PDZRN4: variants seen among roughly 807,000 people sequenced by gnomAD.
PDZRN4 encodes the protein PDZ domain-containing RING finger protein 4.
A neutral mutation model predicts 99.0 loss-of-function variants in PDZRN4; 70 were observed. The observed-to-expected ratio is 0.71, with a 90% CI of 0.58 to 0.86. The LOEUF (loss-of-function observed/expected upper bound fraction) is 0.86. Among genes scored for constraint, PDZRN4 ranks in the 40% least tolerant of loss-of-function variants. The pLI, the probability that PDZRN4 is intolerant of heterozygous loss-of-function variation, is 0.00. For missense variants in PDZRN4, 1,474 were observed against 1,331.2 expected (o/e 1.11, Z -1.67); for synonymous variants, 551 against 501.6 (o/e 1.10, Z -1.32).
At chr12:41,284,899 A>C (rs1951412327) in intron 3 of PDZRN4, among the ~76,000 whole-genome samples, 1 of 152,210 alleles carries the variant, frequency 6.6e-6, no homozygotes, top group Admixed American at 6.5e-5. Flanking sequence ...TAAAACCTTA[A>C]AAACCCTAGA....
chr12:41,357,591 G>T (rs1378687013), intron 3 of PDZRN4, among the ~76,000 whole-genome samples: 2 of 151,906 alleles, frequency 1.3e-5, no homozygotes, highest in Non-Finnish European at 2.9e-5. Context: ...CTTATAAGTT[G>T]ATCTTACATC....
chr12:41,278,165 G>C (rs74530544), intron 3 of PDZRN4, among the ~76,000 whole-genome samples: 2,347 of 152,240 alleles, frequency 0.015, 23 homozygotes, highest in Middle Eastern at 0.034. Context: ...TTATATGCGT[G>C]ACTCATAAGA....
chr12:41,552,556 A>T, intron 5 of PDZRN4, 100 bp from the exon 6 acceptor site: 1 of 811,010 alleles, frequency 1.2e-6, no homozygotes, highest in Non-Finnish European at 2.0e-6. Flanking sequence ...AATAATTATT[A>T]ATACTTGCCA....
chr12:41,454,543 A>G (rs972760587), intron 3 of PDZRN4, among the ~76,000 whole-genome samples: 3 of 152,200 alleles, frequency 2.0e-5, no homozygotes, highest in Admixed American at 6.5e-5. Flanking sequence ...ATACCCAGGG[A>G]TCTTTGGGGT....
chr12:41,197,742 C>G (rs1237167973), intron 3 of PDZRN4, among the ~76,000 whole-genome samples: 1 of 151,998 alleles, frequency 6.6e-6, no homozygotes, highest in African/African-American at 2.4e-5. Context: ...CTGATCCTAT[C>G]GAAGGTTGGG....
At chr12:41,519,160 C>T (rs1186596174) in intron 5 of PDZRN4, among the ~76,000 whole-genome samples, 1 of 151,898 alleles carries the variant, frequency 6.6e-6, no homozygotes, top group African/African-American at 2.4e-5. Context: ...AGTTGAAGGA[C>T]ATTTTAAATG....
chr12:41,511,408 A>C (rs1565602587), intron 5 of PDZRN4, among the ~76,000 whole-genome samples: 1 of 152,006 alleles, frequency 6.6e-6, no homozygotes, highest in Non-Finnish European at 1.5e-5. Flanking sequence ...GGATGATGTC[A>C]GTGGTGAATT....
intron 3 of PDZRN4, among the ~76,000 whole-genome samples, chr12:41,391,180 C>G (rs1298056039): frequency 1.3e-5 from 2 of 152,152 alleles, no homozygotes; most frequent in Non-Finnish European, 2.9e-5. Context: ...TGTCTGGAAG[C>G]AAAGAGTGCC....
At chr12:41,376,222 G>A (rs11180865) in intron 3 of PDZRN4, among the ~76,000 whole-genome samples, 1 of 151,960 alleles carries the variant, frequency 6.6e-6, no homozygotes, top group African/African-American at 2.4e-5. Context: ...TACTGATTTT[G>A]TTTCCTTCAG....
At chr12:41,503,378 T>A (rs1479299577) in intron 3 of PDZRN4, among the ~76,000 whole-genome samples, 1 of 152,118 alleles carries the variant, frequency 6.6e-6, no homozygotes, top group Admixed American at 6.6e-5. Context: ...AATTTGCATA[T>A]AAATTTCATG....
At chr12:41,301,204 C>T (rs987852242) in intron 3 of PDZRN4, among the ~76,000 whole-genome samples, 2 of 151,886 alleles carry the variant, frequency 1.3e-5, no homozygotes, top group Admixed American at 6.6e-5. Context: ...GAGGCAGAAA[C>T]GATGAGAAAG....
At chr12:41,408,810 T>A (rs1952369073) in intron 3 of PDZRN4, among the ~76,000 whole-genome samples, 1 of 151,992 alleles carries the variant, frequency 6.6e-6, no homozygotes. Flanking sequence ...TCTCTGTCTC[T>A]CTTGCGCTCT....
intron 7 of PDZRN4, among the ~76,000 whole-genome samples, chr12:41,561,557 G>A (rs1008802220): frequency 4.9e-5 from 7 of 142,408 alleles, no homozygotes; most frequent in African/African-American, 1.6e-4. Context: ...GAAGAATGAG[G>A]AAATATATAT....
chr12:41,189,927 G>A (rs1278111668), intron 1 of PDZRN4, among the ~76,000 whole-genome samples: 1 of 152,034 alleles, frequency 6.6e-6, no homozygotes, highest in Non-Finnish European at 1.5e-5. Flanking sequence ...TGCGCTCCTG[G>A]TCCTCCCGCC....
intron 3 of PDZRN4, among the ~76,000 whole-genome samples, chr12:41,309,059 C>A (rs899387680): frequency 2.6e-5 from 4 of 151,960 alleles, no homozygotes; most frequent in Non-Finnish European, 5.9e-5. Context: ...AGATTAAAGA[C>A]CTACAATACT....
intron 3 of PDZRN4, among the ~76,000 whole-genome samples, chr12:41,341,378 T>C (rs1401507333): frequency 6.6e-6 from 1 of 151,678 alleles, no homozygotes; most frequent in Non-Finnish European, 1.5e-5. Context: ...AAAAAAGAAA[T>C]AAAAGGCATC....
intron 3 of PDZRN4, among the ~76,000 whole-genome samples, chr12:41,328,987 A>G (rs574241963): frequency 1.4e-4 from 22 of 152,144 alleles, no homozygotes; most frequent in Non-Finnish European, 2.9e-4. Flanking sequence ...AAATTTGGGC[A>G]CTATAAAACA....
At chr12:41,479,522 T>C (rs529418859) in intron 3 of PDZRN4, among the ~76,000 whole-genome samples, 25 of 152,288 alleles carry the variant, frequency 1.6e-4, no homozygotes, top group African/African-American at 5.8e-4. Context: ...AAGAAATCGT[T>C]TAAATTGAAG....
At chr12:41,404,682 A>G (rs1952330636) in intron 3 of PDZRN4, among the ~76,000 whole-genome samples, 1 of 152,226 alleles carries the variant, frequency 6.6e-6, no homozygotes, top group East Asian at 1.9e-4. Context: ...TACCGAACTG[A>G]AAAAGAGCAT....
Sources: allele counts gnomAD v4.1 joint callset (sites outside exome capture counted in the v4.1 genomes callset), GRCh38; gene constraint gnomAD v4.1.1; transcripts MANE v1.5; gene names NCBI Gene and HGNC (gene_info 2026-07-23, HGNC 2026-07-21).